PLXDC2: variants seen among roughly 807,000 people sequenced by gnomAD.
PLXDC2 encodes the protein plexin domain containing 2.
In PLXDC2, 40 loss-of-function variants were observed where a neutral mutation model predicts 68.9. That is an observed-to-expected ratio of 0.58 (90% CI 0.45 to 0.76). The LOEUF (loss-of-function observed/expected upper bound fraction) is 0.76. Ranked by LOEUF, PLXDC2 falls within the 30% of genes least tolerant of loss-of-function variation. PLXDC2 has a pLI of 0.00. For synonymous variants in PLXDC2, 243 were observed against 234.2 expected, an observed-to-expected ratio of 1.04 and a Z score of -0.34; for missense variants, 644 against 661.9, an observed-to-expected ratio of 0.97 and a Z score of 0.30.
At chr10:20,099,923 T>C (rs1210840597) in intron 4 of PLXDC2, among the ~76,000 whole-genome samples, 4 of 152,152 alleles carry the variant, frequency 2.6e-5, no homozygotes, top group African/African-American at 4.8e-5. Context: ...TTATGGGGCC[T>C]AAAAACACAA....
chr10:20,026,966 C>T (rs12256107), intron 2 of PLXDC2, among the ~76,000 whole-genome samples: 16 of 238 alleles, frequency 0.067, no homozygotes, highest in South Asian at 0.5. Flanking sequence ...ATATAGAATA[C>T]ACTTTTATAA....
At chr10:20,080,545 C>T (rs1836534911) in intron 4 of PLXDC2, among the ~76,000 whole-genome samples, 1 of 152,146 alleles carries the variant, frequency 6.6e-6, no homozygotes, top group Admixed American at 6.5e-5. Flanking sequence ...CAGGAAACAT[C>T]CAGCATTGGA....
At chr10:19,820,648 A>AAG (rs1324283914) in intron 1 of PLXDC2, among the ~76,000 whole-genome samples, 3 of 151,830 alleles carry the variant, frequency 2.0e-5, no homozygotes, top group African/African-American at 7.3e-5. Context: ...CTCAAAAAAA[A>AAG]AAAAAAAGAA....
chr10:20,114,030 A>G (rs918350995), intron 4 of PLXDC2, among the ~76,000 whole-genome samples: 3 of 152,162 alleles, frequency 2.0e-5, no homozygotes, highest in Non-Finnish European at 4.4e-5. Flanking sequence ...AGGCTGAGGC[A>G]GGGGGATTGC....
At chr10:20,246,464 A>T (rs376757523) in intron 13 of PLXDC2, among the ~76,000 whole-genome samples, 1 of 152,154 alleles carries the variant, frequency 6.6e-6, no homozygotes, top group Non-Finnish European at 1.5e-5. Flanking sequence ...ATTTTTGTGC[A>T]TCAGCCTCCT....
intron 13 of PLXDC2, among the ~76,000 whole-genome samples, chr10:20,270,811 C>T (rs1004303106): frequency 2.6e-5 from 4 of 151,908 alleles, no homozygotes; most frequent in Non-Finnish European, 5.9e-5. Flanking sequence ...TGTGAGCCAT[C>T]GTGCCCTGCC....
At chr10:20,025,894 T>G (rs939335522) in intron 2 of PLXDC2, among the ~76,000 whole-genome samples, 4 of 151,408 alleles carry the variant, frequency 2.6e-5, no homozygotes, top group South Asian at 4.1e-4. Flanking sequence ...TATATATTAA[T>G]TAACTAAATT....
At chr10:19,942,790 A>T (rs781322822) in intron 1 of PLXDC2, among the ~76,000 whole-genome samples, 5 of 152,148 alleles carry the variant, frequency 3.3e-5, no homozygotes, top group Non-Finnish European at 5.9e-5. Flanking sequence ...AAACAAAACC[A>T]AAAAACCGAA....
chr10:20,228,778 A>G (rs945178704), intron 12 of PLXDC2, among the ~76,000 whole-genome samples: 5 of 152,158 alleles, frequency 3.3e-5, no homozygotes, highest in Non-Finnish European at 5.9e-5. Flanking sequence ...AAGAAAACAG[A>G]AAAGTTTGGT....
Position 20,150,261 on chromosome 10 carries a change from T to A in PLXDC2, c.783+2359T>A, listed in dbSNP as rs145851174. Among the ~76,000 whole-genome samples the A allele has an allele frequency of 1.2e-4, 19 of 152,324 alleles. 1 individual carries two copies. The South Asian group carries it at 1.5e-3, about 12-fold the overall frequency. ...TGTTCTACCCAGTTTTTTGTTTCAATAGGTTTTGGGGAAATAGGTGGTGTT... is the reference window on the plus strand; with the variant it reads ...TGTTCTACCCAGTTTTTTGTTTCAAAAGGTTTTGGGGAAATAGGTGGTGTT... On this transcript the variant is annotated intron_variant, in intron 6 of 13. Coordinates refer to ENST00000377252, the MANE Select transcript of PLXDC2 (RefSeq NM_032812.9).
intron 1 of PLXDC2, among the ~76,000 whole-genome samples, chr10:19,923,180 T>C (rs2131382525): frequency 6.6e-6 from 1 of 152,330 alleles, no homozygotes; most frequent in East Asian, 1.9e-4. Flanking sequence ...GTGCTAGTTT[T>C]ATTGAAAAAG....
chr10:19,830,592 A>G (rs1039540695), intron 1 of PLXDC2, among the ~76,000 whole-genome samples: 4 of 151,156 alleles, frequency 2.6e-5, no homozygotes, highest in African/African-American at 4.9e-5. Context: ...TCCTCTCCCC[A>G]CTCTATGTTG....
intron 1 of PLXDC2, among the ~76,000 whole-genome samples, chr10:19,899,009 A>G (rs1366478361): frequency 6.6e-6 from 1 of 152,208 alleles, no homozygotes; most frequent in Non-Finnish European, 1.5e-5. Context: ...AGAAATGAAT[A>G]CATTATAAAA....
chr10:20,006,803 T>C (rs1287454217), intron 2 of PLXDC2, among the ~76,000 whole-genome samples: 4 of 152,234 alleles, frequency 2.6e-5, no homozygotes, highest in African/African-American at 9.6e-5. Flanking sequence ...TCTAATATTC[T>C]TCCCATGAGC....
At chr10:20,097,278 A>G (rs1833363340) in intron 4 of PLXDC2, among the ~76,000 whole-genome samples, 1 of 152,174 alleles carries the variant, frequency 6.6e-6, no homozygotes, top group Non-Finnish European at 1.5e-5. Context: ...CTTCACAGCT[A>G]GTGCTGACTT....
intron 9 of PLXDC2, among the ~76,000 whole-genome samples, chr10:20,178,485 C>G (rs1450482266): frequency 6.6e-6 from 1 of 152,014 alleles, no homozygotes; most frequent in African/African-American, 2.4e-5. Flanking sequence ...GAGAATAAGT[C>G]CCTTTCTCAC....
intron 13 of PLXDC2, among the ~76,000 whole-genome samples, chr10:20,258,637 A>G (rs1319927816): frequency 6.6e-6 from 1 of 152,120 alleles, no homozygotes; most frequent in East Asian, 1.9e-4. Context: ...TTTAAGTTGA[A>G]TCCCCTATGT....
chr10:20,244,384 T>G (rs146454655), intron 12 of PLXDC2, among the ~76,000 whole-genome samples: 136 of 152,330 alleles, frequency 8.9e-4, no homozygotes, highest in African/African-American at 3.2e-3. Flanking sequence ...ATTCAGAAAA[T>G]GTGTATTACA....
At chr10:19,936,537 C>T (rs1833728102) in intron 1 of PLXDC2, among the ~76,000 whole-genome samples, 1 of 152,154 alleles carries the variant, frequency 6.6e-6, no homozygotes, top group Non-Finnish European at 1.5e-5. Context: ...CATAATTTGC[C>T]AGCCTCTGCT....
Sources: allele counts gnomAD v4.1 joint callset (sites outside exome capture counted in the v4.1 genomes callset), GRCh38; gene constraint gnomAD v4.1.1; transcripts MANE v1.5; gene names NCBI Gene and HGNC (gene_info 2026-07-23, HGNC 2026-07-21).